The following STK38L variants were observed in gnomAD, a reference collection of about 807,000 sequenced individuals.
STK38L encodes the protein serine/threonine kinase 38 like.
STK38L carries 28 observed loss-of-function variants against 59.7 expected under a neutral mutation model. The observed-to-expected ratio is 0.47, with a 90% CI of 0.35 to 0.64. The LOEUF is 0.64. STK38L is among the 30% of genes least tolerant of loss of function. The probability of loss-of-function intolerance (pLI) is 0.01; values close to 1 mark genes in which losing one functional copy is unlikely to be tolerated. For missense variants in STK38L, 314 were observed against 555.8 expected (o/e 0.56, Z 4.37); for synonymous variants, 162 against 176.8 (o/e 0.92, Z 0.66).
chr12:27,268,945 C>A (rs375091453), intron 1 of STK38L, among the ~76,000 whole-genome samples: 8 of 152,114 alleles, frequency 5.3e-5, no homozygotes, highest in African/African-American at 1.9e-4. Context: ...TCATATCCTT[C>A]GCCCACTTTT....
rs573138148 is a variant in STK38L at position 27,317,714 on chromosome 12, C to G, written c.956-182C>G. On this transcript the variant is annotated intron_variant, in intron 10 of 13. Transcript: ENST00000389032. ...TTTTCAGGTAAAAGGGGAGGCAGTG[C>G]TTTCAATCCTTTATTTTATTGACTT... is the stretch of plus-strand genomic sequence containing the variant. The G allele has an allele frequency of 1.5e-4, 123 of 817,938 alleles. No homozygotes were observed. In the East Asian group the frequency reaches 3.2e-3, roughly 21 times the overall value. The allele number at this position is 817,938 out of a possible 1,614,324, so 50.7% of individuals were successfully genotyped here.
chr12:27,280,556 C>T (rs906842264), intron 1 of STK38L, among the ~76,000 whole-genome samples: 38 of 152,238 alleles, frequency 2.5e-4, no homozygotes, highest in African/African-American at 6.7e-4. Context: ...CTACTTCAGG[C>T]GTCCTGGGAA....
At chr12:27,250,929 G>A (rs2136600889) in intron 1 of STK38L, among the ~76,000 whole-genome samples, 1 of 150,674 alleles carries the variant, frequency 6.6e-6, no homozygotes, top group Non-Finnish European at 1.5e-5. Context: ...AACCCGGGAG[G>A]TGGAGCTTGC....
chr12:27,311,897 T>C (rs571607987), intron 5 of STK38L, among the ~76,000 whole-genome samples: 2 of 152,260 alleles, frequency 1.3e-5, no homozygotes, highest in East Asian at 1.9e-4. Context: ...CTTTTTTTTT[T>C]TGAGATGGAG....
chr12:27,259,754 A>G (rs77425164), intron 1 of STK38L, among the ~76,000 whole-genome samples: 3,338 of 152,266 alleles, frequency 0.022, 125 homozygotes, highest in African/African-American at 0.076. Context: ...CATAAATTCA[A>G]AAGTCCTTTT....
chr12:27,247,814 ATTTT>A (rs11448972), intron 1 of STK38L, among the ~76,000 whole-genome samples: 3 of 126,572 alleles, frequency 2.4e-5, no homozygotes, highest in African/African-American at 5.9e-5. Flanking sequence ...TTGTTCTGTA[ATTTT>A]TTTTTTTTTT....
chr12:27,317,490 C>A, intron 10 of STK38L, 37 bp downstream of exon 10: 2 of 1,463,512 alleles, frequency 1.4e-6, no homozygotes, highest in Non-Finnish European at 1.9e-6. Flanking sequence ...AAAATATATA[C>A]ATTTCCTTGA....
At chr12:27,311,997 A>G (rs1026762031) in intron 5 of STK38L, among the ~76,000 whole-genome samples, 1 of 151,936 alleles carries the variant, frequency 6.6e-6, no homozygotes, top group Non-Finnish European at 1.5e-5. Flanking sequence ...CTCCTGCCTC[A>G]GCCTCCTGAG....
At chr12:27,315,874 T>G (rs1944573737) in intron 9 of STK38L, among the ~76,000 whole-genome samples, 1 of 152,230 alleles carries the variant, frequency 6.6e-6, no homozygotes, top group South Asian at 2.1e-4. Flanking sequence ...TAGAATTACA[T>G]TATTTTTAAC....
In STK38L at chr12:27,303,229, G is replaced by C. The variant is rs114867836; in HGVS notation, c.186+1041G>C. Among the ~76,000 whole-genome samples, 769 of 151,808 alleles carry C rather than the reference G, an allele frequency of 5.1e-3. 11 individuals carry two copies. Among genetic ancestry groups the C allele is most frequent in the African/African-American group, 0.018 (740 of 41,354 alleles). ...TCCCATTATTCTTCAAGAATCTTTA[G>C]TAGCTGGGCATGGTGGTACGTGCCT... On this transcript the variant is annotated intron_variant, in intron 3 of 13. Transcript: ENST00000389032.
At chr12:27,294,878 G>GT (rs1044230015) in intron 1 of STK38L, among the ~76,000 whole-genome samples, 2 of 137,922 alleles carry the variant, frequency 1.5e-5, no homozygotes, top group Admixed American at 7.2e-5. Context: ...ACCTAGCTAA[G>GT]TAAAAAAAAA....
chr12:27,249,261 A>G (rs1942921851), intron 1 of STK38L, among the ~76,000 whole-genome samples: 1 of 152,244 alleles, frequency 6.6e-6, no homozygotes, highest in Non-Finnish European at 1.5e-5. Context: ...CATATTGTAT[A>G]AATTCCAAAC....
In STK38L at chr12:27,309,097, T is replaced by C. The variant is rs763363450; in HGVS notation, c.310-17T>C. On this transcript the variant is annotated splice_polypyrimidine_tract_variant and intron_variant, in intron 4 of 13. Coordinates refer to ENST00000389032, the MANE Select transcript of STK38L (RefSeq NM_015000.4). ...ATAGTAGTGACTGTTTTATAATATA[T>C]GTTTTTTATCTTTTAGGTGCGGTTG... 2 of 1,548,738 alleles carry C rather than the reference T, an allele frequency of 1.3e-6. No individual in the cohort carries two copies. The highest frequency in any genetic ancestry group is 1.4e-5 in the African/African-American group (1 of 72,774).
At chr12:27,307,466 C>T (rs1281715762) in intron 3 of STK38L, among the ~76,000 whole-genome samples, 2 of 152,140 alleles carry the variant, frequency 1.3e-5, no homozygotes, top group Non-Finnish European at 2.9e-5. Flanking sequence ...TAAGCTGTTA[C>T]TTTCATTTTG....
At chr12:27,245,685 CT>C (rs1219966075) in intron 1 of STK38L, 1 of 151,964 alleles carries the variant, frequency 6.6e-6, no homozygotes, top group Admixed American at 6.6e-5. Context: ...ACCCTTGTGA[CT>C]ATTTGAGGAG....
At chr12:27,318,251 A>G (rs1267588285) in intron 11 of STK38L, among the ~76,000 whole-genome samples, 1 of 152,254 alleles carries the variant, frequency 6.6e-6, no homozygotes, top group Non-Finnish European at 1.5e-5. Context: ...TGATATATAT[A>G]AAAGCAAAAG....
chr12:27,259,337 C>T (rs1943155009), intron 1 of STK38L, among the ~76,000 whole-genome samples: 1 of 152,190 alleles, frequency 6.6e-6, no homozygotes, highest in South Asian at 2.1e-4. Context: ...CCCATGCAGG[C>T]TCACAGTAGA....
intron 1 of STK38L, among the ~76,000 whole-genome samples, chr12:27,253,611 A>G (rs1452548920): frequency 6.6e-6 from 1 of 152,176 alleles, no homozygotes; most frequent in Non-Finnish European, 1.5e-5. Flanking sequence ...CAGGCATAGC[A>G]GCTGTCATGA....
chr12:27,246,368 C>T (rs1367582327), intron 1 of STK38L, among the ~76,000 whole-genome samples: 2 of 152,076 alleles, frequency 1.3e-5, no homozygotes, highest in African/African-American at 4.8e-5. Context: ...GGAGAAAGGG[C>T]ACAAATCAGA....
Sources: allele counts gnomAD v4.1 joint callset (sites outside exome capture counted in the v4.1 genomes callset), GRCh38; gene constraint gnomAD v4.1.1; transcripts MANE v1.5; gene names NCBI Gene and HGNC (gene_info 2026-07-23, HGNC 2026-07-21).